Variants in PLXNA4 observed in about 807,000 individuals in gnomAD.
The protein encoded by PLXNA4 is plexin-A4.
Under a neutral mutation model 191.8 loss-of-function variants are expected in PLXNA4, and 44 were observed. The observed-to-expected ratio is 0.23, with a 90% CI of 0.18 to 0.29. The LOEUF (loss-of-function observed/expected upper bound fraction) is 0.29. PLXNA4 is among the 10% of genes least tolerant of loss of function. The pLI is 1.00. For missense variants in PLXNA4, 1,800 were observed against 2,488.8 expected, an observed-to-expected ratio of 0.72 and a Z score of 5.89; for synonymous variants, 1,082 against 1,009.5, an observed-to-expected ratio of 1.07 and a Z score of -1.36.
rs755279228 is a variant in PLXNA4, at chr7:132,636,965, G to A, written c.-87+8963C>T. On this transcript the variant is annotated intron_variant, in intron 2 of 4. Transcript: ENST00000378539. ...TCCATCCAGCTCCCCCAATATGCACGTCCTCCCTCCCAGGAAGCTATTGCC... is the reference window on the plus strand; with the variant it reads ...TCCATCCAGCTCCCCCAATATGCACATCCTCCCTCCCAGGAAGCTATTGCC... 3.3e-5 allele frequency among the ~76,000 whole-genome samples: 5 copies of A among 152,240 alleles called. No homozygotes were observed. In the East Asian group the frequency reaches 5.8e-4, roughly 18 times the overall value.
chr7:132,149,324 C>T (rs2671106), intron 25 of PLXNA4, among the ~76,000 whole-genome samples: 40,262 of 152,104 alleles, frequency 0.26, 12,455 homozygotes, highest in African/African-American at 0.76. Context: ...ATTATTCTCA[C>T]GGGTCCAAAC....
intron 3 of PLXNA4, among the ~76,000 whole-genome samples, chr7:132,372,805 C>G (rs2116905475): frequency 1.3e-5 from 2 of 152,284 alleles, no homozygotes; most frequent in South Asian, 4.1e-4. Flanking sequence ...TTTTGTGCAA[C>G]ATCTGGAAGC....
At chr7:132,521,344 T>C (rs1246621106) in intron 1 of PLXNA4, among the ~76,000 whole-genome samples, 1 of 152,064 alleles carries the variant, frequency 6.6e-6, no homozygotes, top group Non-Finnish European at 1.5e-5. Context: ...AAGAAATATT[T>C]AGTATAGATC....
intron 29 of PLXNA4, among the ~76,000 whole-genome samples, chr7:132,143,259 G>A (rs1298434579): frequency 2.0e-5 from 3 of 152,100 alleles, no homozygotes; most frequent in Non-Finnish European, 2.9e-5. Flanking sequence ...CAGGGTTGGG[G>A]GAAAGTGTCC....
At chr7:132,430,908 C>A (rs1022176832) in intron 3 of PLXNA4, among the ~76,000 whole-genome samples, 3 of 152,174 alleles carry the variant, frequency 2.0e-5, no homozygotes, top group South Asian at 2.1e-4. Flanking sequence ...CTCGGCCACA[C>A]CGCTGGGTGA....
At chr7:132,334,988 C>T (rs1011843638) in intron 3 of PLXNA4, among the ~76,000 whole-genome samples, 1 of 152,220 alleles carries the variant, frequency 6.6e-6, no homozygotes, top group East Asian at 1.9e-4. Context: ...TGGATGATGA[C>T]TCTAAGCTCT....
Position 132,633,282 on chromosome 7 carries a change from A to AT in PLXNA4, c.-87+12645dup, listed in dbSNP as rs10706159. Among the ~76,000 whole-genome samples the AT allele has an allele frequency of 3.5e-3, 468 of 134,320 alleles. 6 individuals are homozygous for AT. The highest frequency in any genetic ancestry group is 0.023 in the South Asian group (93 of 4,116). The allele number at this position is 134,320 out of a possible 152,430, so 88.1% of individuals were successfully genotyped here. On this transcript the variant is annotated intron_variant, in intron 2 of 4. Coordinates refer to the PLXNA4 transcript ENST00000378539. ...GAAAACAGTGGGGCTTGAGGTTCTC[A>AT]TTTTTTTTTTTTTTTTTTTAAGACG...
chr7:132,490,122 G>T (rs181014338), intron 2 of PLXNA4, among the ~76,000 whole-genome samples: 39 of 152,372 alleles, frequency 2.6e-4, no homozygotes, highest in African/African-American at 8.7e-4. Context: ...CACAGCTGGT[G>T]CTTTATGAGC....
At chr7:132,349,770 C>A (rs1014996743) in intron 3 of PLXNA4, among the ~76,000 whole-genome samples, 1 of 152,080 alleles carries the variant, frequency 6.6e-6, no homozygotes, top group African/African-American at 2.4e-5. Flanking sequence ...TCACCCCTTG[C>A]TGCTTCTTAT....
intron 3 of PLXNA4, among the ~76,000 whole-genome samples, chr7:132,422,036 AG>A (rs1794869026): frequency 6.6e-6 from 1 of 152,234 alleles, no homozygotes. Context: ...TTCACAGGGA[AG>A]TCGTTGTCAA....
At chr7:132,164,562 G>A (rs1462791552) in intron 23 of PLXNA4, among the ~76,000 whole-genome samples, 1 of 147,892 alleles carries the variant, frequency 6.8e-6, no homozygotes, top group Non-Finnish European at 1.5e-5. Flanking sequence ...TTCCTCCCCC[G>A]CTCCCCTCCC....
chr7:132,130,741 A>G (rs1206062156), intron 31 of PLXNA4, among the ~76,000 whole-genome samples, 167 bp from the exon 32 acceptor site: 1 of 152,220 alleles, frequency 6.6e-6, no homozygotes, highest in Non-Finnish European at 1.5e-5. Context: ...GAGCATGGGC[A>G]GGAAGTTGTG....
Position 132,493,715 on chromosome 7 carries a change from A to ATGGATGGGTGGATGGG in PLXNA4, c.1189-4257_1189-4242dup, listed in dbSNP as rs1257635068. ...GATGGATGGATAGGTGGATGGATGG[A>ATGGATGGGTGGATGGG]TGGATGGGTGGATGGGTGGATGGGT... On this transcript the variant is annotated intron_variant, in intron 2 of 31. Transcript: ENST00000321063. 3.4e-5 allele frequency among the ~76,000 whole-genome samples: 5 copies of ATGGATGGGTGGATGGG among 148,674 alleles called. No individual in the cohort carries two copies. The South Asian group carries it at 1.1e-3, about 33-fold the overall frequency.
chr7:132,445,002 A>T, intron 3 of PLXNA4, among the ~76,000 whole-genome samples: 1 of 150,876 alleles, frequency 6.6e-6, no homozygotes, highest in Admixed American at 6.6e-5. Context: ...AAATACAAAA[A>T]AATTAGCCGG....
At chr7:132,189,677 G>GC (rs1010046806) in intron 14 of PLXNA4, among the ~76,000 whole-genome samples, 6 of 152,048 alleles carry the variant, frequency 3.9e-5, no homozygotes, top group African/African-American at 1.4e-4. Flanking sequence ...CCCAAAGAGT[G>GC]CACCTGCAAG....
intron 4 of PLXNA4, among the ~76,000 whole-genome samples, chr7:132,293,270 C>T (rs1800958279): frequency 6.6e-6 from 1 of 152,166 alleles, no homozygotes; most frequent in Non-Finnish European, 1.5e-5. Flanking sequence ...AAAAACATAC[C>T]TGAGACTGGG....
At chr7:132,338,567 C>T (rs1802905504) in intron 3 of PLXNA4, among the ~76,000 whole-genome samples, 1 of 152,208 alleles carries the variant, frequency 6.6e-6, no homozygotes, top group Non-Finnish European at 1.5e-5. Flanking sequence ...GATATTTACA[C>T]AGTGATTAAC....
In PLXNA4 at chr7:132,135,329, C is replaced by A. The variant is rs768772651; in HGVS notation, c.5439-2130G>T. 1.6e-4 allele frequency among the ~76,000 whole-genome samples: 24 copies of A among 152,306 alleles called. 1 individual carries two copies. Among genetic ancestry groups the A allele is most frequent in the Middle Eastern group, 6.8e-3 (2 of 294 alleles). ...CTCTGTCACCTGTACACAATCAGAG[C>A]CTCTGACCAGGTGAAAAACCCAGGT... is the stretch of plus-strand genomic sequence containing the variant. On this transcript the variant is annotated intron_variant, in intron 30 of 31. Coordinates refer to ENST00000321063, the MANE Select transcript of PLXNA4 (RefSeq NM_020911.2).
At chr7:132,563,613 CT>C (rs1364634465) in intron 1 of PLXNA4, among the ~76,000 whole-genome samples, 1 of 128,402 alleles carries the variant, frequency 7.8e-6, no homozygotes, top group East Asian at 2.6e-4. Flanking sequence ...TCCTCCTTCT[CT>C]TCCTCCTCCT....
Sources: allele counts gnomAD v4.1 joint callset (sites outside exome capture counted in the v4.1 genomes callset), GRCh38; gene constraint gnomAD v4.1.1; transcripts MANE v1.5; gene names NCBI Gene and HGNC (gene_info 2026-07-23, HGNC 2026-07-21).